KCNAB1: variants seen among roughly 807,000 people sequenced by gnomAD.
KCNAB1 encodes the protein voltage-gated potassium channel subunit beta-1.
Under a neutral mutation model 64.6 loss-of-function variants are expected in KCNAB1, and 35 were observed. That is an observed-to-expected ratio of 0.54 (90% CI 0.41 to 0.72). The LOEUF is 0.72. KCNAB1 is among the 30% of genes least tolerant of loss of function. The pLI, the probability that KCNAB1 is intolerant of heterozygous loss-of-function variation, is 0.00. For missense variants in KCNAB1, 401 were observed against 512.9 expected, an observed-to-expected ratio of 0.78 and a Z score of 2.11; for synonymous variants, 177 against 183.8, an observed-to-expected ratio of 0.96 and a Z score of 0.30.
chr3:156,278,914 T>C (rs1318263029), intron 1 of KCNAB1, among the ~76,000 whole-genome samples: 3 of 152,212 alleles, frequency 2.0e-5, no homozygotes, highest in South Asian at 4.1e-4. Context: ...AAATTCTGAA[T>C]GTAAACAAAT....
chr3:156,465,005 G>A (rs1173706945), intron 6 of KCNAB1, among the ~76,000 whole-genome samples: 1 of 152,074 alleles, frequency 6.6e-6, no homozygotes, highest in East Asian at 1.9e-4. Flanking sequence ...TTAAAAAGAA[G>A]CTGCCAAAGG....
intron 1 of KCNAB1, among the ~76,000 whole-genome samples, chr3:156,341,611 C>A (rs1724121784): frequency 6.6e-6 from 1 of 152,280 alleles, no homozygotes; most frequent in East Asian, 1.9e-4. Context: ...CAGAGTGCTG[C>A]ATCCAGGCAT....
intron 1 of KCNAB1, among the ~76,000 whole-genome samples, chr3:156,220,219 T>C (rs1193394923): frequency 6.6e-6 from 1 of 152,188 alleles, no homozygotes; most frequent in African/African-American, 2.4e-5. Flanking sequence ...TTATAATCAT[T>C]TGGGTATATG....
At chr3:156,128,657 A>G (rs1358227834) in intron 1 of KCNAB1, among the ~76,000 whole-genome samples, 1 of 152,214 alleles carries the variant, frequency 6.6e-6, no homozygotes, top group Admixed American at 6.5e-5. Context: ...ATCTAGGCCC[A>G]GATCCCAGGT....
At chr3:156,214,815 A>G (rs1211551143) in intron 1 of KCNAB1, among the ~76,000 whole-genome samples, 1 of 152,214 alleles carries the variant, frequency 6.6e-6, no homozygotes, top group East Asian at 1.9e-4. Flanking sequence ...AGTGTAATAA[A>G]GGTTGAAACA....
chr3:156,441,541 T>G (rs1413029734), intron 2 of KCNAB1: 1 of 152,188 alleles, frequency 6.6e-6, no homozygotes, highest in Non-Finnish European at 1.5e-5. Context: ...ATTTTCAATC[T>G]TAATAATAGT....
At chr3:156,359,861 A>G (rs1395653930) in intron 1 of KCNAB1, among the ~76,000 whole-genome samples, 2 of 152,194 alleles carry the variant, frequency 1.3e-5, no homozygotes, top group African/African-American at 4.8e-5. Flanking sequence ...ATGCTATATT[A>G]AAGGCAATGG....
intron 8 of KCNAB1, among the ~76,000 whole-genome samples, chr3:156,496,626 A>G (rs973060254): frequency 1.3e-5 from 2 of 152,210 alleles, no homozygotes; most frequent in Non-Finnish European, 2.9e-5. Context: ...ATACATTTTT[A>G]TGATAAACCC....
At chr3:156,206,672 T>C (rs574441162) in intron 1 of KCNAB1, among the ~76,000 whole-genome samples, 1 of 152,352 alleles carries the variant, frequency 6.6e-6, no homozygotes, top group Admixed American at 6.5e-5. Flanking sequence ...CATTTATCTT[T>C]GCATTTCAAC....
At chr3:156,424,934 G>A (rs923479814) in intron 2 of KCNAB1, among the ~76,000 whole-genome samples, 2 of 152,170 alleles carry the variant, frequency 1.3e-5, no homozygotes, top group African/African-American at 4.8e-5. Context: ...GAAGTTCATA[G>A]GGCTGACTTG....
intron 1 of KCNAB1, among the ~76,000 whole-genome samples, chr3:156,398,419 G>T (rs144235835): frequency 6.6e-6 from 1 of 151,808 alleles, no homozygotes; most frequent in African/African-American, 2.4e-5. Flanking sequence ...GGCGAAACCC[G>T]GTCTCTACTA....
intron 1 of KCNAB1, among the ~76,000 whole-genome samples, chr3:156,410,338 A>G (rs1473067765): frequency 6.6e-6 from 1 of 151,716 alleles, no homozygotes; most frequent in African/African-American, 2.4e-5. Flanking sequence ...TAGCTTTACA[A>G]TATCCAGTCA....
At chr3:156,499,751 C>T (rs185680443) in intron 8 of KCNAB1, among the ~76,000 whole-genome samples, 631 of 152,188 alleles carry the variant, frequency 4.1e-3, no homozygotes, top group Admixed American at 6.9e-3. Flanking sequence ...CCACCTCATA[C>T]GGCTGTGGCA....
At chr3:156,234,997 T>C (rs185266731) in intron 1 of KCNAB1, among the ~76,000 whole-genome samples, 33 of 152,316 alleles carry the variant, frequency 2.2e-4, no homozygotes, top group African/African-American at 7.7e-4. Context: ...ACAAAAGCCA[T>C]GAGTAAGAGC....
chr3:156,184,441 G>C (rs1309578660), intron 1 of KCNAB1, among the ~76,000 whole-genome samples: 1 of 152,172 alleles, frequency 6.6e-6, no homozygotes, highest in Non-Finnish European at 1.5e-5. Flanking sequence ...AGCTCTCAGG[G>C]CTGGGAGGCA....
At chr3:156,335,990 A>C (rs1460762038) in intron 1 of KCNAB1, among the ~76,000 whole-genome samples, 2 of 152,042 alleles carry the variant, frequency 1.3e-5, no homozygotes, top group Non-Finnish European at 2.9e-5. Context: ...TTGGGAGTAA[A>C]AAGTCAGAAA....
In KCNAB1 at chr3:156,515,203, A is replaced by G; in HGVS notation, c.848A>G (p.Glu283Gly). ...GAGAAAGTGGAGGTCCAGCTGCCAG[A>G]GCTCTACCACAAAATAGGTAATCTT... is the stretch of plus-strand genomic sequence containing the variant. ...QREKVEVQLP[E>G]LYHKIGVGAM... Residue 283 changes from glutamate (E) to glycine (G), a missense_variant, in exon 10 of 14, where the codon GAG becomes GGG. Glu to Gly is a moderately conservative substitution (Grantham distance 98). Transcript: ENST00000490337. 6.2e-7 allele frequency: 1 copy of G among 1,612,298 alleles called. No homozygotes were observed. The highest frequency in any genetic ancestry group is 8.5e-7 in the Non-Finnish European group (1 of 1,179,322).
chr3:156,134,460 T>G (rs1024823172), intron 1 of KCNAB1, among the ~76,000 whole-genome samples: 1 of 152,236 alleles, frequency 6.6e-6, no homozygotes, highest in African/African-American at 2.4e-5. Flanking sequence ...ATACATGGTT[T>G]ATGAATTGAG....
intron 2 of KCNAB1, among the ~76,000 whole-genome samples, chr3:156,437,204 G>T (rs1248455573): frequency 6.6e-6 from 1 of 152,104 alleles, no homozygotes; most frequent in African/African-American, 2.4e-5. Context: ...CTGCTGTGTT[G>T]CTCTTCCAAT....
Sources: allele counts gnomAD v4.1 joint callset (sites outside exome capture counted in the v4.1 genomes callset), GRCh38; gene constraint gnomAD v4.1.1; transcripts MANE v1.5; gene names NCBI Gene and HGNC (gene_info 2026-07-23, HGNC 2026-07-21).